The following TMEM131L variants were observed in gnomAD, a reference collection of about 807,000 sequenced individuals.
The protein encoded by TMEM131L is transmembrane 131 like, also known as transmembrane protein 131-like.
TMEM131L carries 54 observed loss-of-function variants against 192.2 expected under a neutral mutation model. The ratio of observed to expected loss-of-function variants is 0.28; its 90% confidence interval spans 0.23 to 0.35. The LOEUF is 0.35. Among genes scored for constraint, TMEM131L ranks in the 10% least tolerant of loss-of-function variants. TMEM131L has a pLI of 1.00. For missense variants in TMEM131L, 1,888 were observed against 1,972.9 expected (o/e 0.96, Z 0.82); for synonymous variants, 701 against 704.9 (o/e 0.99, Z 0.09).
At position 153,622,928 on chromosome 4, in the gene TMEM131L, G is replaced by A. The variant is rs1457629263; in HGVS notation, c.3890G>A (p.Cys1297Tyr). Reference sequence around the variant, plus strand: ...TACTACCAGAAGCCTGAGAAGAAATGTGTGGACAAGTTCTGCTCCGATTCC... The same window carrying A: ...TACTACCAGAAGCCTGAGAAGAAATATGTGGACAAGTTCTGCTCCGATTCC... ...EGYYQKPEKK[C>Y]VDKFCSDSSS... Residue 1297 changes from cysteine to tyrosine, a missense_variant, in exon 29 of 35, where the codon TGT (cysteine) becomes TAT (tyrosine). Coordinates refer to ENST00000409959, the MANE Select transcript of TMEM131L (RefSeq NM_001131007.2). 1 of 1,614,232 alleles carries A rather than the reference G, an allele frequency of 6.2e-7. No homozygotes were observed. The highest frequency in any genetic ancestry group is 8.5e-7 in the Non-Finnish European group (1 of 1,180,022).
In TMEM131L at chr4:153,603,883, C is replaced by T. The variant is rs1380025837; in HGVS notation, c.2871C>T (p.Pro957=). The change falls in exon 25 of 35, where the codon CCC becomes CCT. Residue 957 remains proline, a synonymous_variant. Transcript: ENST00000409959. ...RGKNCLPVNT[P]QSRIQNAAKR... ...AGAACTGCCTTCCAGTGAACACTCC[C>T]CAAAGCAGGATCCAGAATGCTGCAA... is the stretch of plus-strand genomic sequence containing the variant. 2 of 1,614,088 alleles carry T rather than the reference C, an allele frequency of 1.2e-6. No homozygotes were observed. The highest frequency in any genetic ancestry group is 2.2e-5 in the East Asian group (1 of 44,878).
chr4:153,617,627 A>G (rs1733080551), intron 26 of TMEM131L, among the ~76,000 whole-genome samples: 1 of 152,230 alleles, frequency 6.6e-6, no homozygotes. Context: ...GCTACCACTG[A>G]AAAGAAGTTC....
intron 34 of TMEM131L, 116 bp from the exon 35 acceptor site, chr4:153,636,185 A>C: frequency 1.0e-6 from 1 of 1,004,558 alleles, no homozygotes; most frequent in Non-Finnish European, 1.5e-6. Flanking sequence ...AATTGAGAGT[A>C]GTCTAATAAC....
At chr4:153,520,189 C>T (rs939167312) in intron 3 of TMEM131L, among the ~76,000 whole-genome samples, 16 of 151,988 alleles carry the variant, frequency 1.1e-4, no homozygotes, top group African/African-American at 3.1e-4. Context: ...CGGTGGCTCA[C>T]GCCTGTTGTT....
chr4:153,495,232 G>A (rs1033808905), intron 3 of TMEM131L, among the ~76,000 whole-genome samples: 2 of 152,084 alleles, frequency 1.3e-5, no homozygotes, highest in Admixed American at 6.6e-5. Flanking sequence ...TAGGAGAATT[G>A]CTTGAACCTG....
chr4:153,572,423 C>G (rs562781167), intron 7 of TMEM131L, among the ~76,000 whole-genome samples: 3 of 152,122 alleles, frequency 2.0e-5, no homozygotes. Flanking sequence ...CTCTGCCTCC[C>G]GGGTTCAAGT....
chr4:153,506,971 C>T (rs1318864823), intron 3 of TMEM131L, among the ~76,000 whole-genome samples: 1 of 151,814 alleles, frequency 6.6e-6, no homozygotes, highest in Non-Finnish European at 1.5e-5. Flanking sequence ...TAGCTGAAAA[C>T]TCTTGAAGGT....
chr4:153,474,025 G>GTT, intron 3 of TMEM131L, 137 bp downstream of exon 3: 1 of 553,442 alleles, frequency 1.8e-6, no homozygotes, highest in East Asian at 3.6e-5. Flanking sequence ...GGCATTTGTC[G>GTT]TATCTATACC....
chr4:153,485,748 C>G (rs1732287902), intron 3 of TMEM131L, among the ~76,000 whole-genome samples: 1 of 152,110 alleles, frequency 6.6e-6, no homozygotes, highest in South Asian at 2.1e-4. Context: ...TGTAATTAAT[C>G]CTGTTTCTTC....
rs963396033 is a variant in TMEM131L, at chr4:153,634,185, G to C, written c.4329-7G>C. 1 of 1,611,884 alleles carries C rather than the reference G, an allele frequency of 6.2e-7. No homozygotes were observed. Among genetic ancestry groups the C allele is most frequent in the Non-Finnish European group, 8.5e-7 (1 of 1,178,598 alleles). On this transcript the variant is annotated splice_polypyrimidine_tract_variant and splice_region_variant and intron_variant, in intron 32 of 34. Transcript: ENST00000409959. ...TTTCTGATTAGACCACTTGTTTTTT[G>C]TGGCAGTTTCATTGATTGGAGTGCA...
chr4:153,583,568 T>C lies in TMEM131L; in HGVS notation c.956T>C (p.Ile319Thr). ...GGGACTTTTCTTTTATTTCAGGATA[T>C]ACGCCATTTCTCACAGAGAGATGCT... Reference protein sequence around the residue: ...SGNSLIWIQDIRHFSQRDALS... With the variant: ...SGNSLIWIQDTRHFSQRDALS... The change falls in exon 11 of 35, where the codon ATA becomes ACA. Residue 319 changes from isoleucine to threonine, a missense_variant. Physicochemically the swap from Ile to Thr is moderately conservative, Grantham distance 89 (BLOSUM62 -1). Transcript: ENST00000409959. The C allele has an allele frequency of 6.2e-7, 1 of 1,602,340 alleles. No individual in the cohort carries two copies. The highest frequency in any genetic ancestry group is 8.5e-7 in the Non-Finnish European group (1 of 1,169,898).
In TMEM131L at chr4:153,556,658, T is replaced by G. The variant is rs187290893; in HGVS notation, c.433-308T>G. Among the ~76,000 whole-genome samples the G allele has an allele frequency of 1.9e-3, 293 of 152,284 alleles. 1 individual carries two copies. The highest frequency in any genetic ancestry group is 6.9e-3 in the African/African-American group (287 of 41,560). On this transcript the variant is annotated intron_variant, in intron 5 of 34. Coordinates refer to ENST00000409959, the MANE Select transcript of TMEM131L (RefSeq NM_001131007.2). ...GTTATTGTCTATATTTAAGTAGAGA[T>G]AGAACTGTGTTAGCTAAAGACAGTT...
Position 153,626,197 on chromosome 4 carries a change from A to G in TMEM131L, c.4096A>G (p.Asn1366Asp), listed in dbSNP as rs958553674. 5.6e-6 allele frequency: 9 copies of G among 1,611,538 alleles called. No individual in the cohort carries two copies. The highest frequency in any genetic ancestry group is 6.8e-6 in the Non-Finnish European group (8 of 1,177,882). The stretch of plus-strand genomic sequence containing the variant: ...TCCTTCTGAAGCTCCCATCTCCTTG[A>G]ATCTTTCTCATAACATCTGCAATCC... ...DFPSEAPISL[N>D]LSHNICNPMT... is the part of the protein sequence containing the mutation. The change falls in exon 30 of 35, where the codon AAT becomes GAT. Residue 1366 changes from asparagine (N) to aspartate (D), a missense_variant. Transcript: ENST00000409959.
intron 3 of TMEM131L, among the ~76,000 whole-genome samples, chr4:153,499,134 G>C (rs543751637): frequency 9.2e-5 from 14 of 152,352 alleles, no homozygotes; most frequent in African/African-American, 3.1e-4. Flanking sequence ...TCTTCTGTTA[G>C]TGTTTAGGGA....
intron 7 of TMEM131L, 119 bp from the exon 8 acceptor site, chr4:153,580,707 C>T: frequency 1.6e-6 from 1 of 620,406 alleles, no homozygotes; most frequent in Non-Finnish European, 2.9e-6. Flanking sequence ...AGCAGATACT[C>T]AGATATTTAT....
At chr4:153,507,846 G>A (rs770816799) in intron 3 of TMEM131L, among the ~76,000 whole-genome samples, 4 of 152,084 alleles carry the variant, frequency 2.6e-5, no homozygotes. Context: ...TTACCAGACC[G>A]GTTCTACAGT....
intron 2 of TMEM131L, among the ~76,000 whole-genome samples, chr4:153,471,926 G>T (rs371250809): frequency 3.4e-5 from 5 of 148,102 alleles, no homozygotes; most frequent in African/African-American, 1.2e-4. Flanking sequence ...GAAATTGGTA[G>T]AAAGTGAAAC....
intron 9 of TMEM131L, among the ~76,000 whole-genome samples, chr4:153,582,661 C>T (rs964311688): frequency 6.6e-6 from 1 of 151,890 alleles, no homozygotes; most frequent in Non-Finnish European, 1.5e-5. Context: ...CAGGAGAGCT[C>T]TCCTGTCCTC....
chr4:153,516,046 T>C (rs1208314178), intron 3 of TMEM131L, among the ~76,000 whole-genome samples: 3 of 152,080 alleles, frequency 2.0e-5, no homozygotes, highest in Non-Finnish European at 2.9e-5. Flanking sequence ...CCTTTGCCCA[T>C]TTTTACGTTA....
Sources: gnomAD v4.1 joint callset for allele counts (sites outside exome capture counted in the v4.1 genomes callset) on GRCh38, gnomAD v4.1.1 for gene constraint, MANE v1.5 for transcripts, NCBI Gene and HGNC (gene_info 2026-07-23, HGNC 2026-07-21) for gene names.